Variants in FLNB observed in about 807,000 individuals in gnomAD.
The protein encoded by FLNB is filamin B, also known as filamin-B.
In FLNB, 111 loss-of-function variants were observed where a neutral mutation model predicts 250.6. The ratio of observed to expected loss-of-function variants is 0.44; its 90% CI spans 0.38 to 0.52. The LOEUF is 0.52. Ranked by LOEUF, FLNB falls within the 20% of genes least tolerant of loss-of-function variation. The pLI is 0.00. For missense variants in FLNB, 2,869 were observed against 3,447.8 expected (o/e 0.83, Z 4.20); for synonymous variants, 1,302 against 1,372.1 (o/e 0.95, Z 1.13).
chr3:58,104,114 T>A (rs1395529428), intron 10 of FLNB, 29 bp downstream of exon 10: 1 of 1,612,910 alleles, frequency 6.2e-7, no homozygotes, highest in Non-Finnish European at 8.5e-7. Flanking sequence ...AGGGGTCTTC[T>A]CTGGAGGGTG....
At chr3:58,017,112 A>T (rs531300702) in intron 1 of FLNB, among the ~76,000 whole-genome samples, 5 of 152,328 alleles carry the variant, frequency 3.3e-5, no homozygotes, top group African/African-American at 1.2e-4. Context: ...GGGGAAAATG[A>T]TTAGAAAACC....
intron 15 of FLNB, 87 bp from the exon 16 acceptor site, chr3:58,109,923 T>G: frequency 1.3e-6 from 2 of 1,550,924 alleles, no homozygotes; most frequent in Non-Finnish European, 1.8e-6. Flanking sequence ...CCCAATTGCT[T>G]TTTGAGGGTG....
rs1160208807 is a variant in FLNB, at chr3:58,118,865, G to T, written c.2746-7G>T. ...AAAGGTAAACTGAGTTTTCTCTCTT[G>T]TTCCAGGGCAACATGCAGGTTCTGG... On this transcript the variant is annotated splice_polypyrimidine_tract_variant and splice_region_variant and intron_variant, in intron 18 of 45. Coordinates refer to ENST00000295956, the MANE Select transcript of FLNB (RefSeq NM_001457.4). 16 of 1,611,654 alleles carry T rather than the reference G, an allele frequency of 9.9e-6. No individual in the cohort carries two copies. The highest frequency in any genetic ancestry group is 1.4e-5 in the Non-Finnish European group (16 of 1,177,784).
Position 58,097,973 on chromosome 3 carries a change from G to T in FLNB, c.1143G>T (p.Thr381=), listed in dbSNP as rs964198741. The T allele has an allele frequency of 6.2e-7, 1 of 1,613,864 alleles. No homozygotes were observed. The highest frequency in any genetic ancestry group is 8.5e-7 in the Non-Finnish European group (1 of 1,179,870). The change falls in exon 7 of 46, where the codon ACG becomes ACT. Residue 381 remains threonine (T), a synonymous_variant. Coordinates refer to ENST00000295956, the MANE Select transcript of FLNB (RefSeq NM_001457.4). ...ANKPTYFDIY[T]AGAGVGDIGV... ...AGCCCACCTACTTTGACATCTATAC[G>T]GCAGGTAACGTGCCTCTCCTCCATG...
chr3:58,014,228 G>A (rs190798644), intron 1 of FLNB, among the ~76,000 whole-genome samples: 21 of 152,304 alleles, frequency 1.4e-4, no homozygotes, highest in Admixed American at 1.3e-3. Context: ...AGAACAGCTT[G>A]GTTGGCTAAG....
At chr3:58,008,918 C>G in intron 1 of FLNB, 62 bp downstream of exon 1, 1 of 1,591,858 alleles carries the variant, frequency 6.3e-7, no homozygotes, top group Non-Finnish European at 8.6e-7. Context: ...GCGCGTGCAC[C>G]CCTGCGGAGG....
In FLNB at chr3:58,149,745, T is replaced by C. The variant is rs559581239; in HGVS notation, c.6092-105T>C. ...CCGCCATTGCTTTCTTTCTGCTATG[T>C]AGAAATAGATTGAGGCGTAAGGGTC... On this transcript the variant is annotated intron_variant, in intron 36 of 45. Coordinates refer to ENST00000295956, the MANE Select transcript of FLNB (RefSeq NM_001457.4). 97 of 1,436,100 alleles carry C rather than the reference T, an allele frequency of 6.8e-5. No homozygotes were observed. In the East Asian group the frequency reaches 2.1e-3, roughly 31 times the overall value. 89.0% of individuals were successfully genotyped at this position (1,436,100 alleles called of 1,614,324 possible).
intron 4 of FLNB, among the ~76,000 whole-genome samples, chr3:58,087,237 T>G (rs1327519265): frequency 6.6e-6 from 1 of 152,232 alleles, no homozygotes; most frequent in Non-Finnish European, 1.5e-5. Context: ...GAATTATTTT[T>G]TTTTATATGG....
At position 58,164,839 on chromosome 3, in the gene FLNB, C is replaced by T. The variant is rs192831487; in HGVS notation, c.7198+1509C>T. On this transcript the variant is annotated intron_variant, in intron 43 of 45. Coordinates refer to ENST00000295956, the MANE Select transcript of FLNB (RefSeq NM_001457.4). This position sits in a 1 kb window ranked among gnomAD's most constrained non-coding sequence, Gnocchi z 4.0. ...GTTGAGTCACTCCCCAAACAACACT[C>T]CCCCAAAAAGCAGTCAGCTGGGAGG... The T allele has an allele frequency of 2.0e-5, 3 of 152,650 alleles. No individual in the cohort carries two copies. Among genetic ancestry groups the T allele is most frequent in the African/African-American group, 7.2e-5 (3 of 41,474 alleles). The allele number at this position is 152,650 out of a possible 1,614,324, so 9.5% of individuals were successfully genotyped here. A position where few individuals can be genotyped will look rare whatever the true frequency, so the allele number is the denominator to read the frequency against.
At chr3:58,047,568 T>A (rs2097156039) in intron 1 of FLNB, among the ~76,000 whole-genome samples, 1 of 144,068 alleles carries the variant, frequency 6.9e-6, no homozygotes. Context: ...TATCACACAC[T>A]TTTTTTTTTT....
chr3:58,079,925 C>A (rs1054952946), intron 3 of FLNB, among the ~76,000 whole-genome samples: 1 of 152,106 alleles, frequency 6.6e-6, no homozygotes, highest in African/African-American at 2.4e-5. Flanking sequence ...GAACAACATG[C>A]CTGTTTCTTT....
intron 4 of FLNB, among the ~76,000 whole-genome samples, chr3:58,090,968 C>T (rs574848365): frequency 9.1e-4 from 138 of 152,062 alleles, no homozygotes; most frequent in Non-Finnish European, 1.8e-3. Flanking sequence ...GTCCCAGCTA[C>T]TCGGGAGGCT....
At chr3:58,130,484 C>A (rs540838125) in intron 24 of FLNB, among the ~76,000 whole-genome samples, 1 of 152,280 alleles carries the variant, frequency 6.6e-6, no homozygotes, top group South Asian at 2.1e-4. Context: ...CATCCTTCTC[C>A]TGCAGTTGTG....
At position 58,088,707 on chromosome 3, in the gene FLNB, TG is replaced by T. The variant is rs550096151; in HGVS notation, c.788-6128del. Among the ~76,000 whole-genome samples, 818 of 152,266 alleles carry T rather than the reference TG, an allele frequency of 5.4e-3. 8 individuals carry two copies. The highest frequency in any genetic ancestry group is 0.019 in the African/African-American group (773 of 41,540). On this transcript the variant is annotated intron_variant, in intron 4 of 45. Coordinates refer to ENST00000295956, the MANE Select transcript of FLNB (RefSeq NM_001457.4). ...AGAAGACCAGGAAAGGGCAGCCCAG[TG>T]AGGCAGAAAACTTAAAGAGTCACTG...
chr3:58,014,413 A>G (rs767646955), intron 1 of FLNB, among the ~76,000 whole-genome samples: 1 of 152,346 alleles, frequency 6.6e-6, no homozygotes, highest in East Asian at 1.9e-4. Context: ...CACCCCTTTC[A>G]GGAATCTCTG....
At chr3:58,037,379 T>G (rs2097139620) in intron 1 of FLNB, among the ~76,000 whole-genome samples, 1 of 152,202 alleles carries the variant, frequency 6.6e-6, no homozygotes, top group South Asian at 2.1e-4. Flanking sequence ...TCAGAGTCAT[T>G]TTAGCCTGCA....
chr3:58,119,289 T>C (rs1266131579), intron 19 of FLNB, among the ~76,000 whole-genome samples: 1 of 152,150 alleles, frequency 6.6e-6, no homozygotes, highest in Non-Finnish European at 1.5e-5. Context: ...GTTCAGAGGC[T>C]GGCACGTAGT....
rs147383086 is a variant in FLNB, at chr3:58,137,514, C to T, written c.4862-768C>T. Among the ~76,000 whole-genome samples, 3 of 152,378 alleles carry T rather than the reference C, an allele frequency of 2.0e-5. No homozygotes were observed. The East Asian group carries it at 5.8e-4, about 29-fold the overall frequency. The stretch of plus-strand genomic sequence containing the variant: ...TTCCACAGATTGACTCCAGTCTTCT[C>T]TTCCACTCCTCCCTGAACAAACTGT... On this transcript the variant is annotated intron_variant, in intron 28 of 45. Coordinates refer to ENST00000295956, the MANE Select transcript of FLNB (RefSeq NM_001457.4).
At position 58,143,549 on chromosome 3, in the gene FLNB, A is replaced by T; in HGVS notation, c.5361A>T (p.Arg1787Ser). 1 of 1,614,142 alleles carries T rather than the reference A, an allele frequency of 6.2e-7. No individual in the cohort carries two copies. Among genetic ancestry groups the T allele is most frequent in the Non-Finnish European group, 8.5e-7 (1 of 1,180,022 alleles). The change falls in exon 32 of 46, where the codon AGA becomes AGT. Residue 1787 changes from arginine (R) to serine (S), a missense_variant. This residue lies in a region of FLNB where 1,084 missense variants were observed against 1,315.5 expected (regional missense o/e 0.82). Coordinates refer to ENST00000295956, the MANE Select transcript of FLNB (RefSeq NM_001457.4). ...ACAAGGACGGCACGGTCACTGTTAG[A>T]TATGCCCCCACTGAGGTCGGGCTCC... ...VDNKDGTVTV[R>S]YAPTEVGLHE...
Sources: gnomAD v4.1 joint callset for allele counts (sites outside exome capture counted in the v4.1 genomes callset) on GRCh38, gnomAD v4.1.1 for gene constraint, gnomAD v4.1.1 regional missense constraint, Gnocchi (gnomAD v3.1) non-coding constraint, MANE v1.5 for transcripts, NCBI Gene and HGNC (gene_info 2026-07-23, HGNC 2026-07-21) for gene names.